TMEM260: variants seen among roughly 807,000 people sequenced by gnomAD.
TMEM260 encodes transmembrane protein 260.
A neutral mutation model predicts 88.9 loss-of-function variants in TMEM260; 82 were observed. The ratio of observed to expected loss-of-function variants is 0.92; its 90% CI spans 0.77 to 1.11. The LOEUF is 1.11. Ranked by LOEUF, TMEM260 falls within the 50% of genes least tolerant of loss-of-function variation. TMEM260 has a pLI of 0.00. For synonymous variants in TMEM260, 314 were observed against 309.3 expected, an observed-to-expected ratio of 1.02 and a Z score of -0.16; for missense variants, 902 against 853.4, an observed-to-expected ratio of 1.06 and a Z score of -0.71.
chr14:56,658,398 C>T, the TMEM260 span, among the ~76,000 whole-genome samples: 3 of 152,026 alleles, frequency 2.0e-5, no homozygotes, highest in Non-Finnish European at 4.4e-5. Flanking sequence ...CAGGTGCCCG[C>T]CACCATGCCC....
chr14:56,587,752 A>G (rs978265329), intron 3 of TMEM260, among the ~76,000 whole-genome samples: 6 of 152,070 alleles, frequency 3.9e-5, no homozygotes, highest in Non-Finnish European at 5.9e-5. Context: ...TTGAATACAA[A>G]TAATTGACAA....
At chr14:56,591,754 T>C (rs927209751) in intron 3 of TMEM260, among the ~76,000 whole-genome samples, 2 of 152,236 alleles carry the variant, frequency 1.3e-5, no homozygotes, top group African/African-American at 2.4e-5. Flanking sequence ...TGGCATACTG[T>C]GAAAACTTAG....
In TMEM260 at chr14:56,579,979, GC is replaced by G; in HGVS notation, c.66del (p.Ser23ProfsTer34). 3 of 1,243,980 alleles carry G rather than the reference GC, an allele frequency of 2.4e-6. No homozygotes were observed. The highest frequency in any genetic ancestry group is 3.0e-6 in the Non-Finnish European group (3 of 989,002). The allele number at this position is 1,243,980 out of a possible 1,614,324, so 77.1% of individuals were successfully genotyped here. On this transcript the variant is annotated frameshift_variant, in exon 1 of 16. Coordinates refer to ENST00000261556, the MANE Select transcript of TMEM260 (RefSeq NM_017799.4). LOFTEE classifies it high-confidence loss of function. ...QGRAVRVGLR[R>X]SGGIRGGVAV... ...CGGGCAGTCCGAGTGGGGCTGCGGC[GC>G]TCCGGGGGCATCCGCGGCGGCGTGG...
rs369476196 is a variant in TMEM260 at position 56,621,488 on chromosome 14, G to A, written c.1227-43G>A. The A allele has an allele frequency of 6.9e-5, 102 of 1,487,440 alleles. No homozygotes were observed. The African/African-American group carries it at 1.2e-3, about 18-fold the overall frequency. 92.1% of individuals were successfully genotyped at this position (1,487,440 alleles called of 1,614,324 possible). ...TAAGCCTAGTCTTATTAAAACTGTA[G>A]CAAAGTGTTGCTATTTTAATTTTTT... On this transcript the variant is annotated intron_variant, in intron 10 of 15. Coordinates refer to ENST00000261556, the MANE Select transcript of TMEM260 (RefSeq NM_017799.4).
At chr14:56,581,305 A>G (rs961254487) in intron 1 of TMEM260, among the ~76,000 whole-genome samples, 2 of 152,236 alleles carry the variant, frequency 1.3e-5, no homozygotes, top group South Asian at 4.1e-4. Flanking sequence ...AGTGGGGATC[A>G]TATTTAGGGC....
intron 15 of TMEM260, among the ~76,000 whole-genome samples, chr14:56,643,124 A>G (rs1375981317): frequency 6.6e-6 from 1 of 152,232 alleles, no homozygotes; most frequent in African/African-American, 2.4e-5. Flanking sequence ...AACGATTCCA[A>G]TCAATAGAAA....
At chr14:56,584,952 A>C in intron 1 of TMEM260, 49 bp from the exon 2 acceptor site, 1 of 1,539,166 alleles carries the variant, frequency 6.5e-7, no homozygotes, top group Non-Finnish European at 8.9e-7. Flanking sequence ...ACTTTGGAGG[A>C]GTGTCATTCT....
At chr14:56,608,259 T>G (rs1887036328) in intron 5 of TMEM260, among the ~76,000 whole-genome samples, 1 of 152,206 alleles carries the variant, frequency 6.6e-6, no homozygotes, top group African/African-American at 2.4e-5. Context: ...AATTTCTCTT[T>G]TTTGTAAAGG....
Position 56,649,075 on chromosome 14 carries a change from G to A in TMEM260, c.*1578G>A, listed in dbSNP as rs561447515. On this transcript the variant is annotated 3_prime_UTR_variant, in exon 16 of 16. Transcript: ENST00000261556. ...TGTCCATTGGAGCCTGCAGTGCCTG[G>A]ACAGGGTTCAGAGCGGAACCTTTTG... 2.4e-3 allele frequency: 373 copies of A among 152,780 alleles called. 1 individual carries two copies. Among genetic ancestry groups the A allele is most frequent in the Non-Finnish European group, 2.4e-3 (162 of 68,066 alleles). The allele number at this position is 152,780 out of a possible 1,614,324, so 9.5% of individuals were successfully genotyped here.
chr14:56,609,270 TG>T lies in TMEM260; in HGVS notation c.803del (p.Gly268GlufsTer10). The T allele has an allele frequency of 6.2e-7, 1 of 1,614,034 alleles. No individual in the cohort carries two copies. Among genetic ancestry groups the T allele is most frequent in the Non-Finnish European group, 8.5e-7 (1 of 1,179,956 alleles). ...FLTHFLREEY[G>X]TFSLAKSEIG... ...TGACACATTTTCTCAGGGAAGAATA[TG>T]GAACCTTCAGCCTGGTAAATTCAGA... On this transcript the variant is annotated frameshift_variant, in exon 6 of 16. Coordinates refer to ENST00000261556, the MANE Select transcript of TMEM260 (RefSeq NM_017799.4). LOFTEE classifies it high-confidence loss of function.
At chr14:56,661,579 G>C in the TMEM260 span, among the ~76,000 whole-genome samples, 3 of 151,626 alleles carry the variant, frequency 2.0e-5, no homozygotes, top group South Asian at 2.1e-4. Flanking sequence ...AAGGGAGGAA[G>C]GGAGGGAAGG....
Position 56,625,505 on chromosome 14 carries a change from T to C in TMEM260, c.1522T>C (p.Tyr508His), listed in dbSNP as rs1888195343. The change falls in exon 12 of 16, where the codon TAT becomes CAT. Residue 508 changes from tyrosine (Y) to histidine (H), a missense_variant. Transcript: ENST00000261556. Reference protein sequence around the residue: ...LPSGMVTFNLYHFLEVNKQKE... With the variant: ...LPSGMVTFNLHHFLEVNKQKE... ...TAGTGGAATGGTCACATTTAATCTTTATCATTTTCTTGAAGTAAATAAACA... is the reference window on the plus strand; with the variant it reads ...TAGTGGAATGGTCACATTTAATCTTCATCATTTTCTTGAAGTAAATAAACA... 3 of 1,600,224 alleles carry C rather than the reference T, an allele frequency of 1.9e-6. No individual in the cohort carries two copies. Among genetic ancestry groups the C allele is most frequent in the East Asian group, 4.5e-5 (2 of 44,722 alleles).
chr14:56,589,460 G>A (rs183971162), intron 3 of TMEM260, among the ~76,000 whole-genome samples: 1 of 152,064 alleles, frequency 6.6e-6, no homozygotes, highest in East Asian at 1.9e-4. Context: ...GTAATACAAA[G>A]TTACTATTAA....
chr14:56,607,224 T>G (rs556781063), intron 5 of TMEM260, among the ~76,000 whole-genome samples: 3 of 152,210 alleles, frequency 2.0e-5, no homozygotes, highest in African/African-American at 7.2e-5. Flanking sequence ...CCCTCTCGTA[T>G]TGGTCATCTT....
At chr14:56,643,506 A>G (rs560875997) in intron 15 of TMEM260, among the ~76,000 whole-genome samples, 6 of 152,250 alleles carry the variant, frequency 3.9e-5, no homozygotes, top group East Asian at 3.9e-4. Context: ...GATGGGACGT[A>G]TTTCAAAATA....
At chr14:56,636,430 A>AAGCCTGGAAGATTT (rs1889081482) in intron 14 of TMEM260, 78 bp from the exon 15 acceptor site, 2 of 1,104,372 alleles carry the variant, frequency 1.8e-6, no homozygotes, top group Non-Finnish European at 2.8e-6. Context: ...ATCAGTGGAG[A>AAGCCTGGAAGATTT]AGCCTGGAAG....
intron 1 of TMEM260, 103 bp from the exon 2 acceptor site, chr14:56,584,898 T>C (rs956309271): frequency 4.5e-6 from 4 of 880,090 alleles, no homozygotes; most frequent in Non-Finnish European, 7.4e-6. Context: ...TTTTATCCAG[T>C]CAAATTAATG....
rs376857460 is a variant in TMEM260, at chr14:56,596,381, A to AGTGTGTGT, written c.345-7415_345-7408dup. Reference sequence around the variant, plus strand: ...GGACACACACACATATATATGTGAGAGTGTGTGTGTGTGTGTGTGTGTGTG... The same window carrying AGTGTGTGT: ...GGACACACACACATATATATGTGAGAGTGTGTGTGTGTGTGTGTGTGTGTGTGTGTGTG... On this transcript the variant is annotated intron_variant, in intron 3 of 15. Transcript: ENST00000261556. Among the ~76,000 whole-genome samples the AGTGTGTGT allele has an allele frequency of 5.2e-3, 654 of 126,586 alleles. 6 individuals carry two copies. The highest frequency in any genetic ancestry group is 0.043 in the East Asian group (184 of 4,248). 83.0% of individuals were successfully genotyped at this position (126,586 alleles called of 152,430 possible). A position where few individuals can be genotyped will look rare whatever the true frequency, so the allele number is the denominator to read the frequency against.
At chr14:56,580,160 A>G (rs375223172) in intron 1 of TMEM260, 86 bp downstream of exon 1, 16 of 1,161,666 alleles carry the variant, frequency 1.4e-5, no homozygotes, top group African/African-American at 1.1e-4. Context: ...TGCTCTTGGC[A>G]TTCGGTCTGG....
Sources: gnomAD v4.1 joint callset for allele counts (sites outside exome capture counted in the v4.1 genomes callset) on GRCh38, gnomAD v4.1.1 for gene constraint, MANE v1.5 for transcripts, NCBI Gene and HGNC (gene_info 2026-07-23, HGNC 2026-07-21) for gene names.